Variants in ZNF845 observed in about 807,000 individuals in gnomAD.
ZNF845 encodes the protein zinc finger protein 845.
Under a neutral mutation model 76.1 loss-of-function variants are expected in ZNF845, and 59 were observed. The ratio of observed to expected loss-of-function variants is 0.78; its 90% CI spans 0.63 to 0.96. The LOEUF is 0.96. Among genes scored for constraint, ZNF845 ranks in the 40% least tolerant of loss-of-function variants. The probability of loss-of-function intolerance (pLI) is 0.00; values close to 1 mark genes in which losing one functional copy is unlikely to be tolerated. For missense variants in ZNF845, 1,045 were observed against 1,172.8 expected, an observed-to-expected ratio of 0.89 and a Z score of 1.59; for synonymous variants, 361 against 386.9, an observed-to-expected ratio of 0.93 and a Z score of 0.78.
At chr19:53,337,141 A>G (rs1338488416) in intron 1 of ZNF845, 4 of 456,644 alleles carry the variant, frequency 8.8e-6, no homozygotes, top group African/African-American at 6.0e-5. Flanking sequence ...CCCCAGTCAT[A>G]TTTGCTTTTC....
At chr19:53,335,626 T>C (rs1017100591) in intron 1 of ZNF845, among the ~76,000 whole-genome samples, 1 of 151,778 alleles carries the variant, frequency 6.6e-6, no homozygotes, top group Non-Finnish European at 1.5e-5. Flanking sequence ...TTTTTTGAGA[T>C]GGAATCTCAC....
chr19:53,335,789 A>G (rs2085209263), intron 1 of ZNF845, among the ~76,000 whole-genome samples: 1 of 151,930 alleles, frequency 6.6e-6, no homozygotes, highest in South Asian at 2.1e-4. Context: ...TTTAGTAGAG[A>G]CGGGGTTTCT....
At chr19:53,343,454 C>G (rs975447888) in intron 2 of ZNF845, among the ~76,000 whole-genome samples, 2 of 152,168 alleles carry the variant, frequency 1.3e-5, no homozygotes, top group Non-Finnish European at 2.9e-5. Context: ...ATTGCTTCTT[C>G]TAGGATGGGG....
intron 2 of ZNF845, among the ~76,000 whole-genome samples, chr19:53,343,502 T>C (rs764561611): frequency 1.6e-4 from 25 of 152,178 alleles, no homozygotes; most frequent in Non-Finnish European, 2.4e-4. Context: ...GATTCCCCCC[T>C]GCCCCCACCT....
intron 1 of ZNF845, among the ~76,000 whole-genome samples, chr19:53,337,452 C>T (rs1458577990): frequency 1.3e-5 from 2 of 152,118 alleles, no homozygotes; most frequent in African/African-American, 2.4e-5. Flanking sequence ...GTGACCTTCT[C>T]TCCCTGCAAC....
intron 2 of ZNF845, among the ~76,000 whole-genome samples, chr19:53,344,875 G>A (rs1276633256): frequency 6.6e-6 from 1 of 151,928 alleles, no homozygotes; most frequent in Non-Finnish European, 1.5e-5. Flanking sequence ...CCGACTTCAG[G>A]TGATCTGCCT....
At chr19:53,344,589 TTTTTATTTTATTTTATTTA>T (rs2085279853) in intron 2 of ZNF845, among the ~76,000 whole-genome samples, 1 of 122,522 alleles carries the variant, frequency 8.2e-6, no homozygotes, top group Non-Finnish European at 1.8e-5. Context: ...CCTACATTGA[TTTTTATTTTATTTTATTTA>T]TTTTATTTTA....
rs78076459 is a variant in ZNF845 at position 53,354,170 on chromosome 19, C to T, written c.*582C>T. 5.7e-6 allele frequency: 4 copies of T among 705,238 alleles called. No individual in the cohort carries two copies. Among genetic ancestry groups the T allele is most frequent in the Non-Finnish European group, 9.5e-6 (4 of 422,918 alleles). The allele number at this position is 705,238 out of a possible 1,614,324, so 43.7% of individuals were successfully genotyped here. A position where few individuals can be genotyped will look rare whatever the true frequency, so the allele number is the denominator to read the frequency against. On this transcript the variant is annotated 3_prime_UTR_variant, in exon 4 of 4. Transcript: ENST00000458035. ...GAATCCATACTGGACAGAAATCTTA[C>T]AAATGTCATCAGTGTGGCAAGGTCT...
chr19:53,337,430 G>C (rs1382103614), intron 1 of ZNF845, among the ~76,000 whole-genome samples: 2 of 152,020 alleles, frequency 1.3e-5, no homozygotes, highest in Admixed American at 6.6e-5. Context: ...TCCAGGCTGT[G>C]AGTGTAGTCT....
At chr19:53,334,117 C>T (rs1420473338) in intron 1 of ZNF845, among the ~76,000 whole-genome samples, 1 of 152,236 alleles carries the variant, frequency 6.6e-6, no homozygotes, top group Admixed American at 6.5e-5. Flanking sequence ...CCGCCCTTGG[C>T]GCCTCCCAGT....
rs377283582 is a variant in ZNF845 at position 53,356,675 on chromosome 19, A to C, written c.*3087A>C. 2 of 152,312 alleles carry C rather than the reference A, an allele frequency of 1.3e-5. No individual in the cohort carries two copies. The highest frequency in any genetic ancestry group is 3.9e-4 in the East Asian group (2 of 5,180). 9.4% of individuals were successfully genotyped at this position (152,312 alleles called of 1,614,324 possible). A position where few individuals can be genotyped will look rare whatever the true frequency, so the allele number is the denominator to read the frequency against. Reference sequence around the variant, plus strand: ...CCGGGCGTGGTGGCTCACGCCTGTAATCCCAGCACTTTGGGAGGCTAAGGT... The same window carrying C: ...CCGGGCGTGGTGGCTCACGCCTGTACTCCCAGCACTTTGGGAGGCTAAGGT... On this transcript the variant is annotated 3_prime_UTR_variant, in exon 4 of 4. Coordinates refer to ENST00000458035, the MANE Select transcript of ZNF845 (RefSeq NM_138374.3).
intron 1 of ZNF845, among the ~76,000 whole-genome samples, chr19:53,334,639 G>C (rs772419210): frequency 6.6e-6 from 1 of 151,808 alleles, no homozygotes; most frequent in African/African-American, 2.4e-5. Flanking sequence ...AGTGGCTCAC[G>C]CCTGTAATCC....
intron 1 of ZNF845, among the ~76,000 whole-genome samples, chr19:53,334,471 G>C (rs1489373046): frequency 6.6e-6 from 1 of 151,964 alleles, no homozygotes; most frequent in Non-Finnish European, 1.5e-5. Context: ...TTTGCCAAGA[G>C]AGAGCAAAAA....
Position 53,343,367 on chromosome 19 carries a change from A to G in ZNF845, c.15+2045A>G, listed in dbSNP as rs186218846. Among the ~76,000 whole-genome samples the G allele has an allele frequency of 1.3e-4, 20 of 152,324 alleles. No individual in the cohort carries two copies. The East Asian group carries it at 3.1e-3, about 24-fold the overall frequency. ...AATTTTTCCCTGTATAAAGAGTGCC[A>G]TAGTGGCTGCCTCTGTGCACACCTG... On this transcript the variant is annotated intron_variant, in intron 2 of 3. Transcript: ENST00000458035.
rs1332846789 is a variant in ZNF845, at chr19:53,350,870, T to A, written c.195T>A (p.Asn65Lys). 3.7e-6 allele frequency: 6 copies of A among 1,614,016 alleles called. No individual in the cohort carries two copies. Among genetic ancestry groups the A allele is most frequent in the Non-Finnish European group, 5.1e-6 (6 of 1,180,012 alleles). The change falls in exon 4 of 4, where the codon AAT (asparagine) becomes AAA (lysine). Residue 65 changes from asparagine (N) to lysine (K), a missense_variant. Coordinates refer to ENST00000458035, the MANE Select transcript of ZNF845 (RefSeq NM_138374.3). ...AGTTCTCATCAACAGCACAAGGCAA[T>A]ACAGAAGTGATCCACACAGGGACAT... ...MKEFSSTAQG[N>K]TEVIHTGTLQ...
chr19:53,353,404 C>A lies in ZNF845; in HGVS notation c.2729C>A (p.Thr910Asn). ...AHLACHHRIHTGEKPYKCNEC... is the reference protein window; with the variant it reads ...AHLACHHRIHNGEKPYKCNEC... ...CTTGCATGTCATCATAGAATTCATA[C>A]TGGAGAGAAACCTTACAAGTGTAAT... is the stretch of plus-strand genomic sequence containing the variant. The change falls in exon 4 of 4, where the codon ACT becomes AAT. Residue 910 changes from threonine (T) to asparagine (N), a missense_variant. Physicochemically the swap from Thr to Asn is moderately conservative, Grantham distance 65. Coordinates refer to ENST00000458035, the MANE Select transcript of ZNF845 (RefSeq NM_138374.3). 6.2e-7 allele frequency: 1 copy of A among 1,612,558 alleles called. No homozygotes were observed. The highest frequency in any genetic ancestry group is 8.5e-7 in the Non-Finnish European group (1 of 1,179,646).
Position 53,351,026 on chromosome 19 carries a change from A to G in ZNF845, c.351A>G (p.Lys117=). The change falls in exon 4 of 4, where the codon AAA becomes AAG. Residue 117 remains lysine (K), a synonymous_variant. Coordinates refer to ENST00000458035, the MANE Select transcript of ZNF845 (RefSeq NM_138374.3). ...NSHEAPMTEI[K]QLTGSTNRHD... ...ATGAAGCACCCATGACAGAAATCAA[A>G]CAGTTGACGGGTAGTACAAACCGAC... 6.2e-7 allele frequency: 1 copy of G among 1,614,190 alleles called. No homozygotes were observed. Among genetic ancestry groups the G allele is most frequent in the Non-Finnish European group, 8.5e-7 (1 of 1,180,020 alleles).
rs1368365040 is a variant in ZNF845 at position 53,352,722 on chromosome 19, A to G, written c.2047A>G (p.Arg683Gly). The G allele has an allele frequency of 6.2e-7, 1 of 1,613,958 alleles. No homozygotes were observed. Among genetic ancestry groups the G allele is most frequent in the African/African-American group, 1.3e-5 (1 of 74,916 alleles). Residue 683 changes from arginine (R) to glycine (G), a missense_variant, in exon 4 of 4, where the codon AGA (arginine) becomes GGA (glycine). Coordinates refer to ENST00000458035, the MANE Select transcript of ZNF845 (RefSeq NM_138374.3). ...SRKSYLTCHR[R>G]LHTGEKPYKC... ...GAAGTCATACCTTACATGCCATCGT[A>G]GACTTCATACTGGAGAGAAACCTTA...
intron 1 of ZNF845, among the ~76,000 whole-genome samples, chr19:53,335,265 T>G (rs927194395): frequency 5.3e-5 from 8 of 152,168 alleles, no homozygotes; most frequent in East Asian, 1.9e-4. Context: ...ATTTAATTAA[T>G]TAATTTATAG....
Sources: gnomAD v4.1 joint callset for allele counts (sites outside exome capture counted in the v4.1 genomes callset) on GRCh38, gnomAD v4.1.1 for gene constraint, MANE v1.5 for transcripts, NCBI Gene and HGNC (gene_info 2026-07-23, HGNC 2026-07-21) for gene names.